Variants in TFDP2 observed in about 807,000 individuals in gnomAD.
The protein encoded by TFDP2 is transcription factor Dp-2 (E2F dimerization partner 2).
TFDP2 carries 17 observed loss-of-function variants against 59.3 expected under a neutral mutation model. The observed-to-expected ratio is 0.29, with a 90% CI of 0.20 to 0.43. The LOEUF is 0.43. TFDP2 is among the 20% of genes least tolerant of loss of function. The pLI is 1.00. For synonymous variants in TFDP2, 180 were observed against 194.7 expected (o/e 0.92, Z 0.63); for missense variants, 391 against 528.8 (o/e 0.74, Z 2.56).
chr3:142,126,931 G>C (rs1002321251), intron 1 of TFDP2, among the ~76,000 whole-genome samples: 2 of 120,778 alleles, frequency 1.7e-5, no homozygotes, highest in African/African-American at 5.4e-5. Flanking sequence ...GGGTGACAGA[G>C]TGAGACCTTG....
chr3:141,979,694 T>G (rs184058207), intron 6 of TFDP2, among the ~76,000 whole-genome samples: 1 of 152,282 alleles, frequency 6.6e-6, no homozygotes, highest in African/African-American at 2.4e-5. Context: ...GTTCAAGCGA[T>G]TCTCCTGCCT....
At chr3:141,968,519 CATAT>C (rs538628008) in intron 9 of TFDP2, among the ~76,000 whole-genome samples, 1 of 98,974 alleles carries the variant, frequency 1.0e-5, no homozygotes, top group Non-Finnish European at 1.7e-5. Flanking sequence ...ATATATATCT[CATAT>C]ATATAGATAT....
intron 3 of TFDP2, among the ~76,000 whole-genome samples, chr3:142,023,640 A>C (rs1223646587): frequency 6.6e-6 from 1 of 152,196 alleles, no homozygotes; most frequent in Non-Finnish European, 1.5e-5. Flanking sequence ...TAAGTAGCTC[A>C]CTCAAAACTG....
At chr3:142,045,253 G>A (rs1049247823) in intron 3 of TFDP2, among the ~76,000 whole-genome samples, 6 of 150,508 alleles carry the variant, frequency 4.0e-5, no homozygotes, top group African/African-American at 7.3e-5. Context: ...TCTGCCTCCC[G>A]GGTTCAAGTG....
intron 3 of TFDP2, among the ~76,000 whole-genome samples, chr3:142,073,030 G>A (rs535513971): frequency 5.9e-5 from 9 of 152,270 alleles, no homozygotes; most frequent in South Asian, 4.1e-4. Flanking sequence ...AAGCGACATC[G>A]GCCAGCTGAT....
At chr3:142,012,610 G>A (rs774985740) in intron 3 of TFDP2, among the ~76,000 whole-genome samples, 36 of 152,024 alleles carry the variant, frequency 2.4e-4, no homozygotes, top group Non-Finnish European at 4.4e-4. Flanking sequence ...ATACAAGCAC[G>A]TATTGCCATG....
At chr3:142,032,620 C>T (rs1436405165) in intron 3 of TFDP2, among the ~76,000 whole-genome samples, 2 of 152,152 alleles carry the variant, frequency 1.3e-5, no homozygotes, top group African/African-American at 4.8e-5. Flanking sequence ...ATAATCTCAA[C>T]TCAGTATTGA....
chr3:142,030,233 C>T (rs983896051), intron 3 of TFDP2, among the ~76,000 whole-genome samples: 1 of 152,158 alleles, frequency 6.6e-6, no homozygotes, highest in Non-Finnish European at 1.5e-5. Context: ...GTTGTAAACA[C>T]GTGTTAGTAT....
chr3:142,032,621 T>C (rs769068226), intron 3 of TFDP2, among the ~76,000 whole-genome samples: 2 of 152,192 alleles, frequency 1.3e-5, no homozygotes, highest in Non-Finnish European at 2.9e-5. Flanking sequence ...TAATCTCAAC[T>C]CAGTATTGAA....
intron 3 of TFDP2, among the ~76,000 whole-genome samples, chr3:142,084,076 T>C (rs1020530309): frequency 3.0e-4 from 46 of 152,042 alleles, no homozygotes; most frequent in African/African-American, 1.1e-3. Context: ...ACCCACAGAA[T>C]GGGAGAAAAC....
At chr3:142,111,554 A>C (rs1400911042) in intron 1 of TFDP2, among the ~76,000 whole-genome samples, 1 of 152,168 alleles carries the variant, frequency 6.6e-6, no homozygotes, top group Non-Finnish European at 1.5e-5. Flanking sequence ...AAAGAAAAAA[A>C]AACACACAAA....
intron 6 of TFDP2, among the ~76,000 whole-genome samples, chr3:141,991,007 G>A (rs995208749): frequency 6.6e-6 from 1 of 151,718 alleles, no homozygotes; most frequent in Non-Finnish European, 1.5e-5. Context: ...GCAGCGAGCC[G>A]AGATCACACC....
At chr3:142,023,897 C>G (rs1281187816) in intron 3 of TFDP2, among the ~76,000 whole-genome samples, 2 of 152,140 alleles carry the variant, frequency 1.3e-5, no homozygotes, top group Non-Finnish European at 2.9e-5. Flanking sequence ...CTGACCTGGG[C>G]TCAAGGGATC....
chr3:142,021,384 G>T (rs981367841), intron 3 of TFDP2, among the ~76,000 whole-genome samples: 1 of 152,152 alleles, frequency 6.6e-6, no homozygotes, highest in Non-Finnish European at 1.5e-5. Flanking sequence ...TTCTGCAGCT[G>T]CCAGAACATA....
chr3:142,071,052 A>C (rs560884797), intron 3 of TFDP2, among the ~76,000 whole-genome samples: 1 of 152,318 alleles, frequency 6.6e-6, no homozygotes, highest in African/African-American at 2.4e-5. Flanking sequence ...AGAAAGGCTA[A>C]ATAAGACAGA....
At chr3:142,030,043 G>A (rs1946347406) in intron 3 of TFDP2, among the ~76,000 whole-genome samples, 1 of 152,178 alleles carries the variant, frequency 6.6e-6, no homozygotes, top group South Asian at 2.1e-4. Flanking sequence ...TTGGTGCTCC[G>A]TTCAGTGTTG....
At chr3:142,141,145 A>C (rs2062945048) in intron 1 of TFDP2, among the ~76,000 whole-genome samples, 1 of 152,208 alleles carries the variant, frequency 6.6e-6, no homozygotes, top group Admixed American at 6.5e-5. Context: ...AGCAGTGAGC[A>C]AGGCTCCACG....
At chr3:141,984,454 G>A (rs139044783) in intron 6 of TFDP2, among the ~76,000 whole-genome samples, 26 of 152,176 alleles carry the variant, frequency 1.7e-4, no homozygotes, top group African/African-American at 4.8e-4. Flanking sequence ...CCGAGATCAC[G>A]CCACCGTACA....
intron 3 of TFDP2, among the ~76,000 whole-genome samples, chr3:142,073,710 C>G (rs1056618709): frequency 1.3e-5 from 2 of 152,096 alleles, no homozygotes; most frequent in African/African-American, 2.4e-5. Context: ...AATTCACTTG[C>G]AAACAATTCA....
Sources: allele counts gnomAD v4.1 joint callset (sites outside exome capture counted in the v4.1 genomes callset), GRCh38; gene constraint gnomAD v4.1.1; transcripts MANE v1.5; gene names NCBI Gene and HGNC (gene_info 2026-07-23, HGNC 2026-07-21).